MAP3K19: variants seen among roughly 807,000 people sequenced by gnomAD.
MAP3K19 encodes the protein SPS1/STE20-related protein kinase YSK4.
In MAP3K19, 91 loss-of-function variants were observed where a neutral mutation model predicts 114.4. That is an observed-to-expected ratio of 0.80 (90% CI 0.67 to 0.95). The LOEUF is 0.95. Among genes scored for constraint, MAP3K19 ranks in the 40% least tolerant of loss-of-function variants. MAP3K19 has a pLI of 0.00. For synonymous variants in MAP3K19, 518 were observed against 530.5 expected (o/e 0.98, Z 0.32); for missense variants, 1,471 against 1,573.2 (o/e 0.94, Z 1.10).
At chr2:134,969,034 C>T (rs13390684) in intron 12 of MAP3K19, among the ~76,000 whole-genome samples, 9 of 152,324 alleles carry the variant, frequency 5.9e-5, no homozygotes, top group East Asian at 3.9e-4. Flanking sequence ...ACCGGGATCA[C>T]GCCGCTGCAC....
chr2:135,013,341 G>C (rs958753007), intron 5 of MAP3K19, among the ~76,000 whole-genome samples: 8 of 146,198 alleles, frequency 5.5e-5, no homozygotes, highest in African/African-American at 1.0e-4. Context: ...AGAAGAAGAA[G>C]AACAAGGTAT....
chr2:134,980,468 T>C (rs1006886106), intron 12 of MAP3K19, among the ~76,000 whole-genome samples: 1 of 152,200 alleles, frequency 6.6e-6, no homozygotes, highest in African/African-American at 2.4e-5. Context: ...TCACTTTAAA[T>C]GCAAGATGAT....
chr2:134,982,426 A>T (rs940991226), intron 11 of MAP3K19, among the ~76,000 whole-genome samples: 1 of 143,958 alleles, frequency 6.9e-6, no homozygotes, highest in Non-Finnish European at 1.5e-5. Flanking sequence ...ATCTGGGCTC[A>T]CTGCAACCTC....
At chr2:135,011,244 T>TA (rs571099586) in intron 5 of MAP3K19, among the ~76,000 whole-genome samples, 2 of 152,196 alleles carry the variant, frequency 1.3e-5, no homozygotes, top group African/African-American at 4.8e-5. Context: ...GAAAGGTTTT[T>TA]AAAAAAAGTT....
At chr2:134,979,843 G>C (rs1684504230) in intron 12 of MAP3K19, among the ~76,000 whole-genome samples, 2 of 152,202 alleles carry the variant, frequency 1.3e-5, no homozygotes, top group East Asian at 3.9e-4. Context: ...GGGAGAGAGA[G>C]ACAGAGACTG....
rs1045555116 is a variant in MAP3K19, at chr2:134,994,936, C to G, written c.575-3356G>C. Among the ~76,000 whole-genome samples, 3 of 152,292 alleles carry G rather than the reference C, an allele frequency of 2.0e-5. No homozygotes were observed. In the South Asian group the frequency reaches 6.2e-4, roughly 32 times the overall value. On this transcript the variant is annotated intron_variant, in intron 8 of 12. Coordinates refer to ENST00000392915, the MANE Select transcript of MAP3K19 (RefSeq NM_025052.5). ...AAGAGCTCAGAAGAATTAGAGACAACAAACAACTCTATCTTTCATATTCTC... is the reference window on the plus strand; with the variant it reads ...AAGAGCTCAGAAGAATTAGAGACAAGAAACAACTCTATCTTTCATATTCTC...
Position 134,986,258 on chromosome 2 carries a change from T to C in MAP3K19, c.2614A>G (p.Lys872Glu). Residue 872 changes from lysine (K) to glutamate (E), a missense_variant, in exon 10 of 13, where the codon AAG (lysine) becomes GAG (glutamate). Lys to Glu is a moderately conservative substitution (Grantham distance 56). Coordinates refer to ENST00000392915, the MANE Select transcript of MAP3K19 (RefSeq NM_025052.5). ...TTACTAAGAGATGCTGTATTCTGCTTTTCTTGCTGTACATACTTGTTAGAA... is the reference window on the plus strand; with the variant it reads ...TTACTAAGAGATGCTGTATTCTGCTCTTCTTGCTGTACATACTTGTTAGAA... Reference protein sequence around the residue: ...KNSNKYVQQEKQNTASLSKVN... With the variant: ...KNSNKYVQQEEQNTASLSKVN... 6.2e-7 allele frequency: 1 copy of C among 1,614,106 alleles called. No homozygotes were observed. Among genetic ancestry groups the C allele is most frequent in the Non-Finnish European group, 8.5e-7 (1 of 1,180,004 alleles).
chr2:135,038,033 G>A (rs147709093), intron 2 of MAP3K19, among the ~76,000 whole-genome samples: 2 of 152,290 alleles, frequency 1.3e-5, no homozygotes, highest in Non-Finnish European at 2.9e-5. Context: ...CTTGAGAGAT[G>A]TCTGCGAGTG....
intron 3 of MAP3K19, among the ~76,000 whole-genome samples, chr2:135,026,313 C>T: frequency 6.6e-6 from 1 of 152,170 alleles, no homozygotes; most frequent in East Asian, 1.9e-4. Flanking sequence ...TATTCTGGAC[C>T]CCAATCCAGA....
intron 2 of MAP3K19, among the ~76,000 whole-genome samples, chr2:135,033,503 T>C (rs1574054236): frequency 3.2e-5 from 3 of 94,596 alleles, no homozygotes; most frequent in African/African-American, 1.1e-4. Flanking sequence ...GAGGGGCTCC[T>C]CACTTCCCAG....
chr2:134,989,768 T>C (rs564658903), intron 9 of MAP3K19, among the ~76,000 whole-genome samples: 5 of 152,184 alleles, frequency 3.3e-5, no homozygotes, highest in African/African-American at 1.2e-4. Flanking sequence ...AATTTCTAAA[T>C]AGGTTGAAAA....
At chr2:134,980,759 A>C in intron 12 of MAP3K19, 62 bp downstream of exon 12, 1 of 1,464,666 alleles carries the variant, frequency 6.8e-7, no homozygotes, top group Admixed American at 1.9e-5. Context: ...ATTGAAAGGG[A>C]AATGTCTGCC....
intron 9 of MAP3K19, among the ~76,000 whole-genome samples, chr2:134,991,129 G>A (rs1011583842): frequency 2.0e-4 from 31 of 151,810 alleles, no homozygotes; most frequent in African/African-American, 6.5e-4. Context: ...GAGAAACCCC[G>A]TCTCTACTAA....
rs1025399320 is a variant in MAP3K19 at position 134,974,739 on chromosome 2, A to C, written c.3920+6082T>G. ...GGGTTATTTCAAAAGATCTGTATTC[A>C]AGTCCTGAGATTCTTTCTCCTGCTT... is the stretch of plus-strand genomic sequence containing the variant. On this transcript the variant is annotated intron_variant, in intron 12 of 12. Coordinates refer to ENST00000392915, the MANE Select transcript of MAP3K19 (RefSeq NM_025052.5). 9.2e-5 allele frequency among the ~76,000 whole-genome samples: 14 copies of C among 152,076 alleles called. 1 individual carries two copies. Among genetic ancestry groups the C allele is most frequent in the Admixed American group, 7.2e-4 (11 of 15,270 alleles).
intron 12 of MAP3K19, among the ~76,000 whole-genome samples, chr2:134,967,542 T>A (rs556517778): frequency 2.8e-4 from 43 of 152,382 alleles, no homozygotes; most frequent in Non-Finnish European, 4.9e-4. Context: ...GCTGCCTTGT[T>A]ATTCTTTACT....
In MAP3K19 at chr2:134,991,600, A is replaced by T; in HGVS notation, c.575-20T>A. On this transcript the variant is annotated intron_variant, in intron 8 of 12. Transcript: ENST00000392915. Reference sequence around the variant, plus strand: ...AAAACTCTACAACAAGAAAAACAATAACTGGATATTCTTAGTAGTAGAAAG... The same window carrying T: ...AAAACTCTACAACAAGAAAAACAATTACTGGATATTCTTAGTAGTAGAAAG... 1.9e-6 allele frequency: 3 copies of T among 1,601,780 alleles called. No homozygotes were observed. Among genetic ancestry groups the T allele is most frequent in the Non-Finnish European group, 2.6e-6 (3 of 1,169,028 alleles).
At chr2:135,029,859 G>A (rs1688340232) in intron 3 of MAP3K19, among the ~76,000 whole-genome samples, 1 of 152,222 alleles carries the variant, frequency 6.6e-6, no homozygotes, top group South Asian at 2.1e-4. Flanking sequence ...CTTTAAAAAT[G>A]TATCCTCTGA....
intron 12 of MAP3K19, among the ~76,000 whole-genome samples, 164 bp from the exon 13 acceptor site, chr2:134,965,080 A>G (rs1023255460): frequency 3.9e-5 from 6 of 152,234 alleles, no homozygotes; most frequent in African/African-American, 1.4e-4. Flanking sequence ...ACCTTAAGCT[A>G]AGTGACTAAA....
At chr2:134,967,413 C>T (rs1395249864) in intron 12 of MAP3K19, among the ~76,000 whole-genome samples, 6 of 152,232 alleles carry the variant, frequency 3.9e-5, no homozygotes, top group Non-Finnish European at 7.3e-5. Context: ...AAGGCCGCTG[C>T]ATCCTGCCTG....
Sources: allele counts gnomAD v4.1 joint callset (sites outside exome capture counted in the v4.1 genomes callset), GRCh38; gene constraint gnomAD v4.1.1; transcripts MANE v1.5; gene names NCBI Gene and HGNC (gene_info 2026-07-23, HGNC 2026-07-21).